The following MMP26 variants were observed in gnomAD, a reference collection of about 807,000 sequenced individuals.
MMP26 encodes matrix metallopeptidase 26.
MMP26 carries 33 observed loss-of-function variants against 31.0 expected under a neutral mutation model. The ratio of observed to expected loss-of-function variants is 1.06; its 90% CI spans 0.81 to 1.42. The LOEUF (loss-of-function observed/expected upper bound fraction) is 1.42, where lower values mean the gene tolerates loss of function less well. Among genes scored for constraint, MMP26 ranks in the 40% most tolerant of loss-of-function variants. The probability of loss-of-function intolerance (pLI) is 0.00; values close to 1 mark genes in which losing one functional copy is unlikely to be tolerated. For missense variants in MMP26, 347 were observed against 316.1 expected, an observed-to-expected ratio of 1.10 and a Z score of -0.74; for synonymous variants, 122 against 114.9, an observed-to-expected ratio of 1.06 and a Z score of -0.40.
In MMP26 at chr11:4,992,258, CT is replaced by C. The variant is rs761972678; in HGVS notation, c.*18del. On this transcript the variant is annotated 3_prime_UTR_variant, in exon 8 of 8. Coordinates refer to ENST00000380390, the MANE Select transcript of MMP26 (RefSeq NM_021801.5). ...CATACCTTAATGTTAGCACAGAGGACTTATTCAACCTGTCCTTTCAGGGAGT... is the reference window on the plus strand; with the variant it reads ...CATACCTTAATGTTAGCACAGAGGACTATTCAACCTGTCCTTTCAGGGAGT... 6.2e-7 allele frequency: 1 copy of C among 1,606,402 alleles called. No individual in the cohort carries two copies. Among genetic ancestry groups the C allele is most frequent in the East Asian group, 2.2e-5 (1 of 44,764 alleles).
intron 2 of MMP26, among the ~76,000 whole-genome samples, chr11:4,828,472 T>C (rs1005337618): frequency 6.6e-6 from 1 of 152,132 alleles, no homozygotes; most frequent in Non-Finnish European, 1.5e-5. Context: ...AATAAATGAA[T>C]GATGATGGCA....
At chr11:4,960,983 A>T (rs901754707) in intron 2 of MMP26, among the ~76,000 whole-genome samples, 2 of 152,220 alleles carry the variant, frequency 1.3e-5, no homozygotes, top group African/African-American at 2.4e-5. Context: ...AGCTATAGTC[A>T]GTAATTGTAT....
Position 4,780,829 on chromosome 11 carries a change from AT to A in MMP26, c.-145+13489del, listed in dbSNP as rs565962013. On this transcript the variant is annotated intron_variant, in intron 2 of 7. Coordinates refer to ENST00000380390, the MANE Select transcript of MMP26 (RefSeq NM_021801.5). ...GGAAAGTAATTTTAAAATAAAATAT[AT>A]AAACATATATTGATAAATATATAAA... 2.5e-3 allele frequency among the ~76,000 whole-genome samples: 377 copies of A among 151,608 alleles called. 2 individuals are homozygous for A. The highest frequency in any genetic ancestry group is 4.3e-3 in the Non-Finnish European group (290 of 67,810).
At chr11:4,896,839 A>C (rs549560223) in intron 2 of MMP26, among the ~76,000 whole-genome samples, 4 of 152,112 alleles carry the variant, frequency 2.6e-5, no homozygotes, top group African/African-American at 7.2e-5. Context: ...TTTCTTTTTT[A>C]TTTTAGTTCT....
intron 1 of MMP26, chr11:4,710,830 G>T: frequency 5.6e-6 from 1 of 180,096 alleles, no homozygotes; most frequent in Non-Finnish European, 1.2e-5. Context: ...AGAGCATGTA[G>T]CTATCCAAAG....
chr11:4,929,199 T>G (rs1013678280), intron 2 of MMP26, among the ~76,000 whole-genome samples: 1 of 152,064 alleles, frequency 6.6e-6, no homozygotes, highest in Non-Finnish European at 1.5e-5. Flanking sequence ...TACTTTAAGT[T>G]TTAGGGTACA....
At chr11:4,732,144 A>AGGC (rs1405992690) in intron 1 of MMP26, among the ~76,000 whole-genome samples, 1 of 152,172 alleles carries the variant, frequency 6.6e-6, no homozygotes, top group African/African-American at 2.4e-5. Context: ...TCAGAGACTG[A>AGGC]ACCATCCCAT....
chr11:4,821,997 A>C (rs1363337224), intron 2 of MMP26: 18 of 1,614,062 alleles, frequency 1.1e-5, no homozygotes, highest in Non-Finnish European at 1.5e-5. Context: ...TCTCCTGCAC[A>C]GACAATAGGA....
intron 2 of MMP26, among the ~76,000 whole-genome samples, chr11:4,776,792 G>C (rs553888555): frequency 6.6e-6 from 1 of 152,182 alleles, no homozygotes; most frequent in East Asian, 1.9e-4. Flanking sequence ...CTTCTACCAT[G>C]AATGTAAGTT....
At chr11:4,984,335 A>G (rs1265308494) in intron 2 of MMP26, among the ~76,000 whole-genome samples, 2 of 152,220 alleles carry the variant, frequency 1.3e-5, no homozygotes, top group Non-Finnish European at 2.9e-5. Context: ...GATGAATACT[A>G]TAAAACACCT....
intron 2 of MMP26, chr11:4,822,603 T>C: frequency 2.5e-6 from 1 of 394,676 alleles, no homozygotes; most frequent in East Asian, 3.7e-5. Flanking sequence ...AACAACTAAT[T>C]ATATTTGTAA....
At chr11:4,971,143 A>G (rs1010213386) in intron 2 of MMP26, among the ~76,000 whole-genome samples, 4 of 152,332 alleles carry the variant, frequency 2.6e-5, no homozygotes, top group African/African-American at 9.6e-5. Flanking sequence ...CACATACCCC[A>G]AAAGTTGAGG....
chr11:4,875,078 A>G (rs1850361525), intron 2 of MMP26: 1 of 152,054 alleles, frequency 6.6e-6, no homozygotes. Flanking sequence ...CTTTTGGGAG[A>G]TTCTCCATGG....
chr11:4,928,366 G>C lies in MMP26; in HGVS notation c.-144-59702G>C, dbSNP rs145864962. The stretch of plus-strand genomic sequence containing the variant: ...TTTCTCCACAATACACATGTAGTTT[G>C]AGTCATAATTCAGAAATTTATACTC... On this transcript the variant is annotated intron_variant, in intron 2 of 7. Coordinates refer to ENST00000380390, the MANE Select transcript of MMP26 (RefSeq NM_021801.5). Among the ~76,000 whole-genome samples, 363 of 152,156 alleles carry C rather than the reference G, an allele frequency of 2.4e-3. 2 individuals carry two copies. Among genetic ancestry groups the C allele is most frequent in the African/African-American group, 8.4e-3 (348 of 41,520 alleles).
In MMP26 at chr11:4,901,219, C is replaced by A. The variant is rs186170184; in HGVS notation, c.-144-86849C>A. On this transcript the variant is annotated intron_variant, in intron 2 of 7. Transcript: ENST00000380390. ...TGTCGCCCAGTCTGGAGTGCAGTGG[C>A]GTGATCTCCGCTCACTGCAAGCTCT... Among the ~76,000 whole-genome samples the A allele has an allele frequency of 8.5e-3, 1,091 of 128,206 alleles. 18 individuals carry two copies. Among genetic ancestry groups the A allele is most frequent in the African/African-American group, 0.029 (983 of 33,880 alleles). 84.1% of individuals were successfully genotyped at this position (128,206 alleles called of 152,430 possible). A position where few individuals can be genotyped will look rare whatever the true frequency, so the allele number is the denominator to read the frequency against.
chr11:4,831,440 C>CCAAATAT (rs1849645362), intron 2 of MMP26, among the ~76,000 whole-genome samples: 1 of 152,190 alleles, frequency 6.6e-6, no homozygotes, highest in African/African-American at 2.4e-5. Flanking sequence ...CTGTGAATAT[C>CCAAATAT]CAAAAAGTGA....
At chr11:4,857,874 G>A (rs1180589402) in intron 2 of MMP26, among the ~76,000 whole-genome samples, 16 of 151,998 alleles carry the variant, frequency 1.1e-4, no homozygotes, top group African/African-American at 2.2e-4. Flanking sequence ...AAGCTTATCC[G>A]CCACGATCAT....
Position 4,986,932 on chromosome 11 carries a change from C to CCCT in MMP26, c.-144-1135_-144-1134insCTC, listed in dbSNP as rs1846903256. Among the ~76,000 whole-genome samples, 160 of 60,372 alleles carry CCCT rather than the reference C, an allele frequency of 2.7e-3. 2 individuals are homozygous for CCCT. Among genetic ancestry groups the CCCT allele is most frequent in the South Asian group, 6.1e-3 (9 of 1,470 alleles). 39.6% of individuals were successfully genotyped at this position (60,372 alleles called of 152,430 possible). On this transcript the variant is annotated intron_variant, in intron 2 of 7. Transcript: ENST00000380390. ...CTCTCTCTCTCTCTCTCTCTCTCTCCCTCTCTCTCTCTCTCTCTCTCTCTC... is the reference window on the plus strand; with the variant it reads ...CTCTCTCTCTCTCTCTCTCTCTCTCCCCTCTCTCTCTCTCTCTCTCTCTCTCTC...
At chr11:4,909,823 T>C (rs953073097) in intron 2 of MMP26, among the ~76,000 whole-genome samples, 6 of 152,170 alleles carry the variant, frequency 3.9e-5, no homozygotes, top group Non-Finnish European at 7.4e-5. Context: ...AGGCTCTGTA[T>C]ATGCACAAGG....
Sources: gnomAD v4.1 joint callset for allele counts (sites outside exome capture counted in the v4.1 genomes callset) on GRCh38, gnomAD v4.1.1 for gene constraint, MANE v1.5 for transcripts, NCBI Gene and HGNC (gene_info 2026-07-23, HGNC 2026-07-21) for gene names.